TGFB2: variants seen among roughly 807,000 people sequenced by gnomAD.
The protein encoded by TGFB2 is transforming growth factor beta-2 proprotein.
Under a neutral mutation model 42.7 loss-of-function variants are expected in TGFB2, and 13 were observed. That is an observed-to-expected ratio of 0.30 (90% CI 0.20 to 0.48). The LOEUF is 0.48. Ranked by LOEUF, TGFB2 falls within the 20% of genes least tolerant of loss-of-function variation. The pLI is 0.99. For missense variants in TGFB2, 390 were observed against 517.5 expected, an observed-to-expected ratio of 0.75 and a Z score of 2.39; for synonymous variants, 193 against 193.6, an observed-to-expected ratio of 1.00 and a Z score of 0.03.
At position 218,347,067 on chromosome 1, in the gene TGFB2, T is replaced by G; in HGVS notation, c.346+20T>G. ...CCGAAAGTAAGTACTTATTTTGACT[T>G]CCATCCCCTGAGGTTTAGCTCTGCC... On this transcript the variant is annotated intron_variant, in intron 1 of 6. Coordinates refer to ENST00000366930, the MANE Select transcript of TGFB2 (RefSeq NM_003238.6). The G allele has an allele frequency of 1.3e-6, 2 of 1,551,798 alleles. No individual in the cohort carries two copies. The highest frequency in any genetic ancestry group is 1.7e-6 in the Non-Finnish European group (2 of 1,147,442).
chr1:218,439,913 G>T (rs952436390), intron 6 of TGFB2, among the ~76,000 whole-genome samples: 3 of 152,218 alleles, frequency 2.0e-5, no homozygotes, highest in Non-Finnish European at 4.4e-5. Flanking sequence ...AGTCAGTGTT[G>T]CTGTGCTGAA....
chr1:218,428,268 C>G (rs1159041053), intron 2 of TGFB2, among the ~76,000 whole-genome samples: 2 of 152,128 alleles, frequency 1.3e-5, no homozygotes, highest in Non-Finnish European at 2.9e-5. Context: ...CAAAAATTTT[C>G]TCCCATTCTG....
chr1:218,371,949 G>A (rs755870607), intron 1 of TGFB2, among the ~76,000 whole-genome samples: 8 of 152,152 alleles, frequency 5.3e-5, no homozygotes, highest in Admixed American at 2.0e-4. Flanking sequence ...TGTTGTTTCC[G>A]GTGAGCAAAC....
intron 1 of TGFB2, among the ~76,000 whole-genome samples, chr1:218,385,731 C>G (rs1015264797): frequency 2.0e-5 from 3 of 152,232 alleles, no homozygotes; most frequent in Admixed American, 1.3e-4. Context: ...AGCTCAGTCT[C>G]TGAACTCAGT....
intron 2 of TGFB2, among the ~76,000 whole-genome samples, chr1:218,405,880 T>G (rs949017482): frequency 1.3e-5 from 2 of 152,114 alleles, no homozygotes; most frequent in East Asian, 3.9e-4. Context: ...CTGAGCACAC[T>G]TCCTCAGTTG....
chr1:218,370,882 A>G (rs879530568), intron 1 of TGFB2, among the ~76,000 whole-genome samples: 1 of 152,204 alleles, frequency 6.6e-6, no homozygotes, highest in Non-Finnish European at 1.5e-5. Flanking sequence ...AATTGGGTAC[A>G]AGGGAGAGAG....
chr1:218,362,971 C>T (rs1011329510), intron 1 of TGFB2, among the ~76,000 whole-genome samples: 5 of 152,176 alleles, frequency 3.3e-5, no homozygotes, highest in African/African-American at 1.2e-4. Context: ...GGTAGACTGT[C>T]TTTTGTCAAA....
At chr1:218,370,636 C>A (rs2102553779) in intron 1 of TGFB2, among the ~76,000 whole-genome samples, 1 of 152,322 alleles carries the variant, frequency 6.6e-6, no homozygotes, top group East Asian at 1.9e-4. Flanking sequence ...GCTTTTCTCT[C>A]AATCTCAGTG....
intron 2 of TGFB2, among the ~76,000 whole-genome samples, chr1:218,423,371 C>T (rs1300928134): frequency 2.6e-5 from 4 of 152,084 alleles, no homozygotes; most frequent in African/African-American, 7.2e-5. Flanking sequence ...AGCCACTATG[C>T]GCAAGGGACC....
At chr1:218,434,254 T>C in intron 3 of TGFB2, 40 bp downstream of exon 3, 2 of 1,612,528 alleles carry the variant, frequency 1.2e-6, no homozygotes, top group Non-Finnish European at 1.7e-6. Flanking sequence ...AGATGTTCAG[T>C]ATCCCTAAGT....
chr1:218,435,300 G>C (rs528897521), intron 4 of TGFB2, among the ~76,000 whole-genome samples: 116 of 152,300 alleles, frequency 7.6e-4, no homozygotes, highest in African/African-American at 2.6e-3. Context: ...ACCTAGTCAT[G>C]ATTCTCTGGA....
intron 1 of TGFB2, among the ~76,000 whole-genome samples, chr1:218,350,957 A>ATAATATCTACTAAAATATAT (rs1353051654): frequency 2.0e-5 from 3 of 152,260 alleles, no homozygotes; most frequent in African/African-American, 7.2e-5. Flanking sequence ...TGAAGTAGAT[A>ATAATATCTACTAAAATATAT]CACTAAAAAT....
chr1:218,414,158 C>T (rs1659193706), intron 2 of TGFB2, among the ~76,000 whole-genome samples: 1 of 152,058 alleles, frequency 6.6e-6, no homozygotes, highest in Admixed American at 6.6e-5. Context: ...GGGTTTTTGT[C>T]ATACCAGGGA....
At chr1:218,441,145 G>A (rs988298487) in intron 6 of TGFB2, 59 bp from the exon 7 acceptor site, 23 of 1,514,728 alleles carry the variant, frequency 1.5e-5, no homozygotes, top group Non-Finnish European at 2.0e-5. Flanking sequence ...TTTTAAAAAC[G>A]AATTGCGTTC....
intron 1 of TGFB2, among the ~76,000 whole-genome samples, chr1:218,385,570 G>C (rs1658107040): frequency 6.6e-6 from 1 of 152,202 alleles, no homozygotes; most frequent in South Asian, 2.1e-4. Context: ...GTTTTAACAT[G>C]ACCCCATGTC....
intron 1 of TGFB2, among the ~76,000 whole-genome samples, chr1:218,399,171 G>T (rs774312195): frequency 5.9e-5 from 9 of 152,214 alleles, no homozygotes; most frequent in Non-Finnish European, 1.2e-4. Context: ...TTTTAGGCAT[G>T]AGCCACTGTG....
chr1:218,439,812 G>A (rs1219661021), intron 6 of TGFB2, among the ~76,000 whole-genome samples: 1 of 152,190 alleles, frequency 6.6e-6, no homozygotes, highest in East Asian at 1.9e-4. Flanking sequence ...GACCATGCTT[G>A]TTTTTCAAGG....
intron 1 of TGFB2, among the ~76,000 whole-genome samples, chr1:218,355,437 A>C (rs1657001739): frequency 6.6e-6 from 1 of 152,232 alleles, no homozygotes; most frequent in African/African-American, 2.4e-5. Context: ...AAAGACAAGA[A>C]ATCCTACTCC....
intron 1 of TGFB2, among the ~76,000 whole-genome samples, chr1:218,394,139 G>C (rs1339588513): frequency 1.3e-5 from 2 of 152,192 alleles, no homozygotes; most frequent in East Asian, 1.9e-4. Flanking sequence ...TCGATCTCCT[G>C]ACCTCGTGAT....
Sources: allele counts gnomAD v4.1 joint callset (sites outside exome capture counted in the v4.1 genomes callset), GRCh38; gene constraint gnomAD v4.1.1; transcripts MANE v1.5; gene names NCBI Gene and HGNC (gene_info 2026-07-23, HGNC 2026-07-21).